KCNK9: variants seen among roughly 807,000 people sequenced by gnomAD.
KCNK9 encodes potassium channel subfamily K member 9.
A neutral mutation model predicts 10.8 loss-of-function variants in KCNK9; 1 was observed. The observed-to-expected ratio is 0.09, with a 90% confidence interval of 0.03 to 0.44. KCNK9 has a LOEUF of 0.44. KCNK9 is among the 20% of genes least tolerant of loss of function. The probability of loss-of-function intolerance (pLI) is 0.97; values close to 1 mark genes in which losing one functional copy is unlikely to be tolerated. For synonymous variants in KCNK9, 231 were observed against 222.7 expected (o/e 1.04, Z -0.33); for missense variants, 303 against 515.0 (o/e 0.59, Z 3.98).
intron 1 of KCNK9, among the ~76,000 whole-genome samples, chr8:139,665,617 G>A (rs1024838132): frequency 3.3e-5 from 5 of 152,154 alleles, no homozygotes; most frequent in Admixed American, 6.5e-5. Context: ...CCCACCTGCC[G>A]GAAGAGCTTC....
intron 1 of KCNK9, among the ~76,000 whole-genome samples, chr8:139,624,790 C>T (rs893444155): frequency 2.0e-5 from 3 of 152,204 alleles, no homozygotes; most frequent in African/African-American, 7.2e-5. Context: ...AACTGACACC[C>T]GGGGGCCGGT....
intron 1 of KCNK9, among the ~76,000 whole-genome samples, chr8:139,642,744 A>G (rs954339563): frequency 6.6e-6 from 1 of 152,226 alleles, no homozygotes; most frequent in Non-Finnish European, 1.5e-5. Context: ...GGGCCTGCTC[A>G]GGTCAGGGCA....
At chr8:139,658,417 A>C (rs1466936850) in intron 1 of KCNK9, among the ~76,000 whole-genome samples, 1 of 152,146 alleles carries the variant, frequency 6.6e-6, no homozygotes, top group African/African-American at 2.4e-5. Context: ...AACACCCCAC[A>C]ATGTTGCTGA....
intron 1 of KCNK9, among the ~76,000 whole-genome samples, chr8:139,664,574 A>C (rs1816250290): frequency 6.6e-6 from 1 of 152,190 alleles, no homozygotes; most frequent in Non-Finnish European, 1.5e-5. Context: ...CTTAGCCACC[A>C]GGAGCTGGCA....
At chr8:139,699,819 C>T (rs146116525) in intron 1 of KCNK9, among the ~76,000 whole-genome samples, 1 of 152,198 alleles carries the variant, frequency 6.6e-6, no homozygotes, top group Non-Finnish European at 1.5e-5. Flanking sequence ...ACAGGGCAAG[C>T]TAATAGCTGC....
chr8:139,701,932 T>A (rs994969358), intron 1 of KCNK9, among the ~76,000 whole-genome samples: 2 of 152,198 alleles, frequency 1.3e-5, no homozygotes, highest in Non-Finnish European at 1.5e-5. Context: ...CTCTCGTGAC[T>A]GGGGCTCAAG....
At chr8:139,604,786 A>G (rs1189640243) in intron 2 of KCNK9, among the ~76,000 whole-genome samples, 2 of 152,210 alleles carry the variant, frequency 1.3e-5, no homozygotes, top group East Asian at 3.9e-4. Context: ...GGGGGATGCC[A>G]AACAGAGCTG....
intron 1 of KCNK9, among the ~76,000 whole-genome samples, chr8:139,650,147 C>T (rs1235209508): frequency 6.6e-6 from 1 of 152,214 alleles, no homozygotes; most frequent in Non-Finnish European, 1.5e-5. Context: ...TGGGGCTTCT[C>T]ATCTCCCCCA....
rs1264577418 is a variant in KCNK9, at chr8:139,617,216, C to T, written c.*1042G>A. On this transcript the variant is annotated 3_prime_UTR_variant, in exon 2 of 2. Coordinates refer to ENST00000520439, the MANE Select transcript of KCNK9 (RefSeq NM_001282534.2). ...CCACATACTAATACCCATTCTCACCCAAGCATTCCAACACTATAATTCTTA... is the reference window on the plus strand; with the variant it reads ...CCACATACTAATACCCATTCTCACCTAAGCATTCCAACACTATAATTCTTA... Among the ~76,000 whole-genome samples, 1 of 152,174 alleles carries T rather than the reference C, an allele frequency of 6.6e-6. No homozygotes were observed. Among genetic ancestry groups the T allele is most frequent in the African/African-American group, 2.4e-5 (1 of 41,442 alleles).
chr8:139,617,937 C>G lies in KCNK9; in HGVS notation c.*321G>C. ...CGTGGTCTTGGTCTCACATCTGTCC[C>G]GGGAAAACCACTGCAGAGATGATGG... On this transcript the variant is annotated 3_prime_UTR_variant, in exon 2 of 2. Coordinates refer to ENST00000520439, the MANE Select transcript of KCNK9 (RefSeq NM_001282534.2). 2.7e-6 allele frequency: 1 copy of G among 371,552 alleles called. No individual in the cohort carries two copies. Among genetic ancestry groups the G allele is most frequent in the Non-Finnish European group, 5.1e-6 (1 of 196,936 alleles). 23.0% of individuals were successfully genotyped at this position (371,552 alleles called of 1,614,324 possible). A position where few individuals can be genotyped will look rare whatever the true frequency, so the allele number is the denominator to read the frequency against.
intron 1 of KCNK9, among the ~76,000 whole-genome samples, chr8:139,623,912 C>T (rs544429418): frequency 4.2e-4 from 64 of 152,178 alleles, no homozygotes; most frequent in Non-Finnish European, 4.7e-4. Context: ...GAGATCTAGC[C>T]AAGCAGCCTC....
intron 1 of KCNK9, among the ~76,000 whole-genome samples, chr8:139,629,552 T>C (rs1290597775): frequency 1.3e-5 from 2 of 152,154 alleles, no homozygotes; most frequent in Non-Finnish European, 2.9e-5. Flanking sequence ...GGCATTACAG[T>C]GCAGATAAAC....
intron 1 of KCNK9, among the ~76,000 whole-genome samples, chr8:139,632,873 C>G (rs1054142218): frequency 1.3e-5 from 2 of 152,150 alleles, no homozygotes; most frequent in Admixed American, 6.5e-5. Context: ...GCACCTAGCT[C>G]ATAACATGTA....
At chr8:139,700,513 C>T (rs539382163) in intron 1 of KCNK9, among the ~76,000 whole-genome samples, 3 of 136,348 alleles carry the variant, frequency 2.2e-5, no homozygotes, top group South Asian at 4.4e-4. Context: ...CACACACGCG[C>T]GCGCGCGCAC....
Position 139,618,576 on chromosome 8 carries a change from G to A in KCNK9, c.807C>T (p.Asn269=). 6.2e-7 allele frequency: 1 copy of A among 1,613,758 alleles called. No homozygotes were observed. The highest frequency in any genetic ancestry group is 1.1e-5 in the South Asian group (1 of 91,082). ...CCTCAGGGATGTGAATGACCATGCT[G>A]TTGCGGTTTCCGGCGAGGGATGCCC... ...EERASLAGNR[N]SMVIHIPEEP... is the part of the protein sequence containing the mutation. Residue 269 remains asparagine, a synonymous_variant, in exon 2 of 2, where the codon AAC becomes AAT. Transcript: ENST00000520439. This position sits in a 1 kb window ranked among gnomAD's most constrained non-coding sequence, Gnocchi z 7.9.
At chr8:139,686,295 G>A (rs1816785716) in intron 1 of KCNK9, among the ~76,000 whole-genome samples, 1 of 152,134 alleles carries the variant, frequency 6.6e-6, no homozygotes, top group South Asian at 2.1e-4. Flanking sequence ...CTTCTGCACA[G>A]TAAAAGAAAC....
intron 1 of KCNK9, among the ~76,000 whole-genome samples, chr8:139,680,078 C>T (rs1029982275): frequency 3.3e-5 from 5 of 152,160 alleles, no homozygotes; most frequent in African/African-American, 9.7e-5. Flanking sequence ...GCCACCTGCT[C>T]CCACCTCATA....
At chr8:139,644,715 TCC>T (rs10577985) in intron 1 of KCNK9, among the ~76,000 whole-genome samples, 21,472 of 132,476 alleles carry the variant, frequency 0.16, 3,561 homozygotes, top group African/African-American at 0.41. Flanking sequence ...TCCTGCCCTG[TCC>T]CCCCCCCCCA....
chr8:139,618,870 C>T lies in KCNK9; in HGVS notation c.513G>A (p.Leu171=). 1 of 1,614,214 alleles carries T rather than the reference C, an allele frequency of 6.2e-7. No homozygotes were observed. The highest frequency in any genetic ancestry group is 8.5e-7 in the Non-Finnish European group (1 of 1,180,042). Residue 171 remains leucine (L), a synonymous_variant, in exon 2 of 2, where the codon CTG becomes CTA. Coordinates refer to ENST00000520439, the MANE Select transcript of KCNK9 (RefSeq NM_001282534.2). The surrounding 1 kb of genome is among the most constrained non-coding windows in gnomAD (Gnocchi z 7.9). The part of the protein sequence containing the change: ...TVGFFSCMGT[L]CIGAAAFSQC... ...GGGAGAAGGCGGCCGCCCCGATGCA[C>T]AGCGTCCCCATGCAGGAGAAGAAGC... is the stretch of plus-strand genomic sequence containing the variant.
Sources: allele counts gnomAD v4.1 joint callset (sites outside exome capture counted in the v4.1 genomes callset), GRCh38; gene constraint gnomAD v4.1.1; non-coding constraint Gnocchi (gnomAD v3.1); transcripts MANE v1.5; gene names NCBI Gene and HGNC (gene_info 2026-07-23, HGNC 2026-07-21).